Variants in CHRM5 observed in about 807,000 individuals in gnomAD.
CHRM5 encodes muscarinic acetylcholine receptor M5.
In CHRM5, 18 loss-of-function variants were observed where a neutral mutation model predicts 39.0. The observed-to-expected ratio is 0.46, with a 90% CI of 0.32 to 0.68. CHRM5 has a LOEUF of 0.68. CHRM5 is among the 30% of genes least tolerant of loss of function. The pLI, the probability that CHRM5 is intolerant of heterozygous loss-of-function variation, is 0.04. For synonymous variants in CHRM5, 241 were observed against 246.3 expected (o/e 0.98, Z 0.20); for missense variants, 515 against 651.1 (o/e 0.79, Z 2.28).
At chr15:34,043,883 T>G (rs1454205454) in intron 1 of CHRM5, among the ~76,000 whole-genome samples, 5 of 152,158 alleles carry the variant, frequency 3.3e-5, no homozygotes, top group African/African-American at 9.7e-5. Flanking sequence ...GTACCTATAT[T>G]GTCTGCCTTC....
intron 1 of CHRM5, chr15:33,972,242 G>A (rs529869838): frequency 3.3e-5 from 5 of 152,060 alleles, no homozygotes; most frequent in Non-Finnish European, 7.4e-5. Flanking sequence ...AGACAGTCAT[G>A]AAAGAGGCCC....
At chr15:33,983,212 A>ACACACATG (rs780265090) in intron 1 of CHRM5, among the ~76,000 whole-genome samples, 1 of 40,960 alleles carries the variant, frequency 2.4e-5, no homozygotes, top group African/African-American at 6.5e-5. Context: ...ATATATATAT[A>ACACACATG]TACATATATA....
intron 2 of CHRM5, among the ~76,000 whole-genome samples, chr15:34,058,162 C>A (rs1252059737): frequency 6.6e-6 from 1 of 152,182 alleles, no homozygotes; most frequent in Non-Finnish European, 1.5e-5. Flanking sequence ...GGCCTACCCA[C>A]ATTATGGTGG....
intron 1 of CHRM5, among the ~76,000 whole-genome samples, chr15:34,006,872 G>A (rs893492689): frequency 6.6e-6 from 1 of 152,176 alleles, no homozygotes; most frequent in Non-Finnish European, 1.5e-5. Context: ...TAGGTTCATT[G>A]TGCAAAGATG....
At chr15:34,010,984 T>G (rs1328235153) in intron 1 of CHRM5, among the ~76,000 whole-genome samples, 1 of 152,202 alleles carries the variant, frequency 6.6e-6, no homozygotes, top group Non-Finnish European at 1.5e-5. Flanking sequence ...ATAGAAAAAC[T>G]CATAAACCAT....
chr15:34,036,897 G>C (rs1263370460), intron 1 of CHRM5, among the ~76,000 whole-genome samples: 1 of 152,034 alleles, frequency 6.6e-6, no homozygotes, highest in African/African-American at 2.4e-5. Flanking sequence ...ATCACCTGAG[G>C]TCAGGAGTTC....
rs752560317 is a variant in CHRM5 at position 34,063,530 on chromosome 15, G to C, written c.813G>C (p.Trp271Cys). 5 of 1,613,488 alleles carry C rather than the reference G, an allele frequency of 3.1e-6. No individual in the cohort carries two copies. The African/African-American group carries it at 5.3e-5, about 17-fold the overall frequency. Residue 271 changes from tryptophan (W) to cysteine (C), a missense_variant, in exon 3 of 3, where the codon TGG becomes TGC. Trp to Cys is a radical substitution (Grantham distance 215). Transcript: ENST00000383263. This position sits in a 1 kb window ranked among gnomAD's most constrained non-coding sequence, Gnocchi z 4.1. Reference sequence around the variant, plus strand: ...AGCGGGAAAGGAACCAGGCCTCCTGGTCATCCTCCCGCAGGAGCACCTCCA... The same window carrying C: ...AGCGGGAAAGGAACCAGGCCTCCTGCTCATCCTCCCGCAGGAGCACCTCCA... ...LAQRERNQAS[W>C]SSSRRSTSTT... is the part of the protein sequence containing the mutation.
chr15:34,029,138 C>G (rs66530874), intron 1 of CHRM5, among the ~76,000 whole-genome samples: 23,147 of 152,094 alleles, frequency 0.15, 2,119 homozygotes, highest in Middle Eastern at 0.28. Context: ...ACCTTCCCCT[C>G]TCCATCCAGG....
intron 1 of CHRM5, chr15:34,039,113 GGAAGCGGGC>G (rs1899335936): frequency 9.5e-7 from 1 of 1,055,604 alleles, no homozygotes; most frequent in Non-Finnish European, 1.1e-6. Context: ...TGGCCCCACC[GGAAGCGGGC>G]CGCACGGAGG....
chr15:34,049,372 G>A (rs1048616978), intron 2 of CHRM5, among the ~76,000 whole-genome samples: 4 of 152,128 alleles, frequency 2.6e-5, no homozygotes, highest in African/African-American at 9.7e-5. Flanking sequence ...CAGACCTAAT[G>A]GTGCTGAAAA....
At chr15:33,978,669 A>C (rs1896000438) in intron 1 of CHRM5, among the ~76,000 whole-genome samples, 1 of 152,028 alleles carries the variant, frequency 6.6e-6, no homozygotes, top group African/African-American at 2.4e-5. Flanking sequence ...TTTCAAAATA[A>C]ATAAATAAAT....
At chr15:33,978,942 G>A (rs1344601054) in intron 1 of CHRM5, among the ~76,000 whole-genome samples, 1 of 150,400 alleles carries the variant, frequency 6.6e-6, no homozygotes, top group Non-Finnish European at 1.5e-5. Context: ...GCAAAAGTAA[G>A]GAGTAGGGGT....
At chr15:34,035,625 A>C (rs1442894948) in intron 1 of CHRM5, among the ~76,000 whole-genome samples, 2 of 152,130 alleles carry the variant, frequency 1.3e-5, no homozygotes, top group East Asian at 3.9e-4. Context: ...TATATTAAGT[A>C]CTCGACAAAT....
intron 2 of CHRM5, among the ~76,000 whole-genome samples, chr15:34,055,520 G>A (rs1900107036): frequency 1.3e-5 from 2 of 149,454 alleles, no homozygotes; most frequent in South Asian, 4.3e-4. Flanking sequence ...AATAAATATA[G>A]GCTGGGCACA....
chr15:34,046,893 C>G (rs181156247), intron 2 of CHRM5, 22 bp downstream of exon 2: 3 of 152,454 alleles, frequency 2.0e-5, no homozygotes, highest in Admixed American at 2.0e-4. Flanking sequence ...TGCGACCCCA[C>G]CGGGGAAACC....
At chr15:34,028,691 T>A (rs1194645699) in intron 1 of CHRM5, among the ~76,000 whole-genome samples, 1 of 152,194 alleles carries the variant, frequency 6.6e-6, no homozygotes, top group Non-Finnish European at 1.5e-5. Flanking sequence ...AACAGCTGTG[T>A]AAGGTAGATA....
At chr15:34,042,630 C>T (rs889200144) in intron 1 of CHRM5, among the ~76,000 whole-genome samples, 5 of 151,712 alleles carry the variant, frequency 3.3e-5, no homozygotes, top group South Asian at 2.1e-4. Context: ...CTCAAACTCC[C>T]GACCTCAGGT....
intron 1 of CHRM5, among the ~76,000 whole-genome samples, chr15:34,043,293 C>A (rs1327703640): frequency 2.7e-5 from 4 of 150,922 alleles, no homozygotes; most frequent in Non-Finnish European, 5.9e-5. Context: ...CACTGTTTGA[C>A]GAAAAGTAGA....
rs577415936 is a variant in CHRM5 at position 34,056,548 on chromosome 15, A to G, written c.-75-6095A>G. Among the ~76,000 whole-genome samples, 360 of 152,328 alleles carry G rather than the reference A, an allele frequency of 2.4e-3. 2 individuals are homozygous for G. Among genetic ancestry groups the G allele is most frequent in the African/African-American group, 8.1e-3 (335 of 41,570 alleles). On this transcript the variant is annotated intron_variant, in intron 2 of 2. Coordinates refer to ENST00000383263, the MANE Select transcript of CHRM5 (RefSeq NM_012125.4). ...TTCTGAATCTTTGAGAGCTCTACAT[A>G]CTACATGGTATTTTCTCAATTTATC...
Sources: allele counts gnomAD v4.1 joint callset (sites outside exome capture counted in the v4.1 genomes callset), GRCh38; gene constraint gnomAD v4.1.1; non-coding constraint Gnocchi (gnomAD v3.1); transcripts MANE v1.5; gene names NCBI Gene and HGNC (gene_info 2026-07-23, HGNC 2026-07-21).